TMEM132D: variants seen among roughly 807,000 people sequenced by gnomAD.
The protein encoded by TMEM132D is transmembrane protein 132D.
A neutral mutation model predicts 62.3 loss-of-function variants in TMEM132D; 21 were observed. The observed-to-expected ratio is 0.34, with a 90% CI of 0.24 to 0.49. The LOEUF (loss-of-function observed/expected upper bound fraction) is 0.49. Ranked by LOEUF, TMEM132D falls within the 20% of genes least tolerant of loss-of-function variation. TMEM132D has a pLI of 0.99. For missense variants in TMEM132D, 1,346 were observed against 1,402.8 expected, an observed-to-expected ratio of 0.96 and a Z score of 0.65; for synonymous variants, 621 against 575.6, an observed-to-expected ratio of 1.08 and a Z score of -1.13.
intron 2 of TMEM132D, among the ~76,000 whole-genome samples, chr12:129,676,781 C>G (rs1880641884): frequency 6.6e-6 from 1 of 152,136 alleles, no homozygotes; most frequent in African/African-American, 2.4e-5. Context: ...GTATCACTAT[C>G]TATCATCTCT....
rs1016122568 is a variant in TMEM132D at position 129,152,333 on chromosome 12, G to A, written c.1443+57187C>T. Among the ~76,000 whole-genome samples the A allele has an allele frequency of 4.6e-5, 7 of 152,280 alleles. No individual in the cohort carries two copies. The South Asian group carries it at 1.0e-3, about 23-fold the overall frequency. On this transcript the variant is annotated intron_variant, in intron 5 of 8. Transcript: ENST00000422113. ...TAACCTAAAAATTCTCCCAGCCTGGGTTTTAACAAAGCAGAGCCCCAGGTC... is the reference window on the plus strand; with the variant it reads ...TAACCTAAAAATTCTCCCAGCCTGGATTTTAACAAAGCAGAGCCCCAGGTC...
intron 3 of TMEM132D, among the ~76,000 whole-genome samples, chr12:129,390,437 TGGC>T (rs1871260848): frequency 1.4e-5 from 1 of 71,526 alleles, no homozygotes; most frequent in African/African-American, 5.4e-5. Flanking sequence ...TATGGCAAGC[TGGC>T]TGGAGTCCAC....
chr12:129,376,508 C>T (rs1019406479), intron 3 of TMEM132D, among the ~76,000 whole-genome samples: 4 of 152,130 alleles, frequency 2.6e-5, no homozygotes, highest in Admixed American at 2.0e-4. Context: ...TCACGACACA[C>T]GGGGATTATG....
At chr12:129,794,606 C>G (rs945687381) in intron 1 of TMEM132D, among the ~76,000 whole-genome samples, 4 of 152,006 alleles carry the variant, frequency 2.6e-5, no homozygotes, top group African/African-American at 4.8e-5. Flanking sequence ...TGATATTGAG[C>G]CTTCCATAAT....
chr12:129,287,221 G>A (rs997739401), intron 4 of TMEM132D, among the ~76,000 whole-genome samples: 5 of 152,254 alleles, frequency 3.3e-5, no homozygotes, highest in Admixed American at 6.5e-5. Context: ...TGATGAATCC[G>A]GGATACTTCG....
chr12:129,347,102 G>A (rs1204727236), intron 3 of TMEM132D, among the ~76,000 whole-genome samples: 1 of 152,128 alleles, frequency 6.6e-6, no homozygotes, highest in Non-Finnish European at 1.5e-5. Flanking sequence ...TGGATAGAAA[G>A]AATCGGTATC....
intron 5 of TMEM132D, among the ~76,000 whole-genome samples, chr12:129,104,236 C>T (rs1450548937): frequency 1.3e-5 from 2 of 151,060 alleles, no homozygotes; most frequent in Admixed American, 1.3e-4. Flanking sequence ...GAAATAACGC[C>T]GCATATCTAC....
At chr12:129,735,996 G>C (rs1056912477) in intron 1 of TMEM132D, among the ~76,000 whole-genome samples, 1 of 152,156 alleles carries the variant, frequency 6.6e-6, no homozygotes, top group Non-Finnish European at 1.5e-5. Context: ...TCCTGTCCTA[G>C]GCCACGGAAC....
intron 3 of TMEM132D, among the ~76,000 whole-genome samples, chr12:129,476,625 C>A (rs1874265255): frequency 6.6e-6 from 1 of 152,130 alleles, no homozygotes; most frequent in East Asian, 1.9e-4. Context: ...AGAAGGAGGA[C>A]CCACCTGAGC....
chr12:129,506,087 GT>G (rs965007732), intron 3 of TMEM132D, among the ~76,000 whole-genome samples: 2 of 151,996 alleles, frequency 1.3e-5, no homozygotes, highest in African/African-American at 2.4e-5. Flanking sequence ...TGAATACCTT[GT>G]TTTTTTATTG....
At chr12:129,280,823 A>G (rs1881123413) in intron 4 of TMEM132D, among the ~76,000 whole-genome samples, 1 of 152,058 alleles carries the variant, frequency 6.6e-6, no homozygotes, top group Non-Finnish European at 1.5e-5. Flanking sequence ...TGTCATATAT[A>G]TAATATATAT....
intron 4 of TMEM132D, among the ~76,000 whole-genome samples, chr12:129,307,077 T>G (rs1881863873): frequency 6.6e-6 from 1 of 150,426 alleles, no homozygotes; most frequent in Admixed American, 6.6e-5. Context: ...TTTTTTTTTG[T>G]CTAAGCAAAT....
chr12:129,829,252 G>C (rs1205140157), intron 1 of TMEM132D, among the ~76,000 whole-genome samples: 1 of 152,088 alleles, frequency 6.6e-6, no homozygotes, highest in South Asian at 2.1e-4. Context: ...AATAATCGTG[G>C]TTATTATAGA....
At chr12:129,776,717 C>A (rs1010756034) in intron 1 of TMEM132D, among the ~76,000 whole-genome samples, 3 of 143,838 alleles carry the variant, frequency 2.1e-5, no homozygotes, top group Non-Finnish European at 3.0e-5. Flanking sequence ...CAAGTTCTAG[C>A]TTCTTAACTA....
chr12:129,662,810 A>G (rs28702971), intron 2 of TMEM132D, among the ~76,000 whole-genome samples: 371 of 16,398 alleles, frequency 0.023, 4 homozygotes, highest in Non-Finnish European at 0.027. Flanking sequence ...AAAAAAAAAA[A>G]AAAGAGAGAG....
chr12:129,767,342 C>T (rs577899489), intron 1 of TMEM132D, among the ~76,000 whole-genome samples: 1 of 152,106 alleles, frequency 6.6e-6, no homozygotes, highest in Admixed American at 6.5e-5. Context: ...CTAGACCCAG[C>T]TGAAGATCCC....
chr12:129,581,307 T>C (rs1877853852), intron 2 of TMEM132D, among the ~76,000 whole-genome samples: 1 of 152,144 alleles, frequency 6.6e-6, no homozygotes, highest in African/African-American at 2.4e-5. Context: ...ATGAGCCAAG[T>C]GTACTAGGGT....
intron 2 of TMEM132D, among the ~76,000 whole-genome samples, chr12:129,661,559 A>T (rs780806059): frequency 2.0e-4 from 30 of 152,194 alleles, no homozygotes; most frequent in Non-Finnish European, 3.5e-4. Context: ...TACTGTCCAC[A>T]TCTAAACAAT....
intron 2 of TMEM132D, among the ~76,000 whole-genome samples, chr12:129,605,804 G>A (rs1302892878): frequency 6.6e-6 from 1 of 151,840 alleles, no homozygotes; most frequent in Non-Finnish European, 1.5e-5. Flanking sequence ...GGTCAGAGTT[G>A]TGGTTTGCAG....
Sources: allele counts gnomAD v4.1 joint callset (sites outside exome capture counted in the v4.1 genomes callset), GRCh38; gene constraint gnomAD v4.1.1; transcripts MANE v1.5; gene names NCBI Gene and HGNC (gene_info 2026-07-23, HGNC 2026-07-21).